Variants in MAPK4 observed in about 807,000 individuals in gnomAD.
MAPK4 encodes mitogen-activated protein kinase 4, also known as Erk3-related.
MAPK4 carries 22 observed loss-of-function variants against 47.7 expected under a neutral mutation model. That is an observed-to-expected ratio of 0.46 (90% confidence interval 0.33 to 0.66). The LOEUF is 0.66. Among genes scored for constraint, MAPK4 ranks in the 30% least tolerant of loss-of-function variants. The pLI, the probability that MAPK4 is intolerant of heterozygous loss-of-function variation, is 0.02. For synonymous variants in MAPK4, 390 were observed against 365.7 expected (o/e 1.07, Z -0.76); for missense variants, 736 against 831.7 (o/e 0.88, Z 1.42).
At chr18:50,651,979 G>A (rs1339327578) in intron 1 of MAPK4, among the ~76,000 whole-genome samples, 4 of 152,200 alleles carry the variant, frequency 2.6e-5, no homozygotes, top group Non-Finnish European at 4.4e-5. Context: ...CACTTAATTC[G>A]CGATGGGTGC....
At chr18:50,581,913 C>G (rs1016849077) in intron 1 of MAPK4, among the ~76,000 whole-genome samples, 3 of 152,120 alleles carry the variant, frequency 2.0e-5, no homozygotes, top group African/African-American at 7.2e-5. Context: ...TTATCATTGT[C>G]CTTTTGAAAG....
chr18:50,664,526 G>C lies in MAPK4; in HGVS notation c.546+22G>C, dbSNP rs752402718. On this transcript the variant is annotated intron_variant, in intron 2 of 5. Coordinates refer to ENST00000400384, the MANE Select transcript of MAPK4 (RefSeq NM_002747.4). This position sits in a 1 kb window ranked among gnomAD's most constrained non-coding sequence, Gnocchi z 6.0. Reference sequence around the variant, plus strand: ...CAAGGTATGTCTGGCTGGAATGGCGGATACTGGTGGTCCACAGAATCCCCA... The same window carrying C: ...CAAGGTATGTCTGGCTGGAATGGCGCATACTGGTGGTCCACAGAATCCCCA... The C allele has an allele frequency of 6.4e-7, 1 of 1,556,968 alleles. No individual in the cohort carries two copies. Among genetic ancestry groups the C allele is most frequent in the East Asian group, 2.3e-5 (1 of 44,230 alleles).
chr18:50,667,079 C>T (rs757317666), intron 2 of MAPK4, among the ~76,000 whole-genome samples: 20 of 152,180 alleles, frequency 1.3e-4, no homozygotes, highest in Non-Finnish European at 2.5e-4. Flanking sequence ...GAAGTCTTTC[C>T]GGATTCTGGG....
At chr18:50,633,436 C>T (rs2042850972) in intron 1 of MAPK4, among the ~76,000 whole-genome samples, 1 of 152,154 alleles carries the variant, frequency 6.6e-6, no homozygotes, top group South Asian at 2.1e-4. Flanking sequence ...TGTAGCAGTG[C>T]GCATTCATCC....
rs1158274239 is a variant in MAPK4 at position 50,730,974 on chromosome 18, T to C, written c.*1120T>C. ...GACCCAACATCCTTCATCAATACTT[T>C]CCTGAGTTTGATCATCCATTTAGCC... On this transcript the variant is annotated 3_prime_UTR_variant, in exon 6 of 6. Transcript: ENST00000400384. The C allele has an allele frequency of 6.6e-6, 1 of 152,216 alleles. No individual in the cohort carries two copies. The highest frequency in any genetic ancestry group is 6.5e-5 in the Admixed American group (1 of 15,280). 9.4% of individuals were successfully genotyped at this position (152,216 alleles called of 1,614,324 possible). A position where few individuals can be genotyped will look rare whatever the true frequency, so the allele number is the denominator to read the frequency against.
chr18:50,596,862 C>A (rs1160624), intron 1 of MAPK4, among the ~76,000 whole-genome samples: 151,825 of 152,360 alleles, frequency 1, 75,649 homozygotes, highest in East Asian at 1. Flanking sequence ...TAATGGAAGT[C>A]GAAAGTTGAA....
At chr18:50,724,238 G>C (rs143125047) in intron 4 of MAPK4, among the ~76,000 whole-genome samples, 1 of 152,038 alleles carries the variant, frequency 6.6e-6, no homozygotes, top group Admixed American at 6.5e-5. Context: ...ACTACTACTC[G>C]TCTTGCTAGA....
intron 1 of MAPK4, among the ~76,000 whole-genome samples, chr18:50,624,785 G>A (rs1229847411): frequency 2.0e-5 from 3 of 151,876 alleles, no homozygotes; most frequent in Non-Finnish European, 2.9e-5. Context: ...CTCTTCTAAG[G>A]TACACAGCTG....
chr18:50,651,098 A>G (rs1255237339), intron 1 of MAPK4, among the ~76,000 whole-genome samples: 1 of 152,180 alleles, frequency 6.6e-6, no homozygotes, highest in Non-Finnish European at 1.5e-5. Context: ...CTGGATGGTC[A>G]CCTTTTTCAG....
intron 1 of MAPK4, among the ~76,000 whole-genome samples, chr18:50,570,582 T>A (rs1346534164): frequency 6.6e-6 from 1 of 151,284 alleles, no homozygotes; most frequent in South Asian, 2.1e-4. Flanking sequence ...TTCTCTTCCA[T>A]GGCCCAGACA....
At position 50,663,220 on chromosome 18, in the gene MAPK4, ATCCTG is replaced by A. The variant is rs1172413849; in HGVS notation, c.-738_-734del. 1 of 152,250 alleles carries A rather than the reference ATCCTG, an allele frequency of 6.6e-6. No individual in the cohort carries two copies. Among genetic ancestry groups the A allele is most frequent in the Non-Finnish European group, 1.5e-5 (1 of 68,102 alleles). 9.4% of individuals were successfully genotyped at this position (152,250 alleles called of 1,614,324 possible). A position where few individuals can be genotyped will look rare whatever the true frequency, so the allele number is the denominator to read the frequency against. On this transcript the variant is annotated 5_prime_UTR_variant, in exon 2 of 6. An upstream open reading frame in the 5' UTR loses its in-frame stop. Coordinates refer to ENST00000400384, the MANE Select transcript of MAPK4 (RefSeq NM_002747.4). ...TGCCCACATCCAAAGGCTCCAGAGG[ATCCTG>A]GCCTGGCAGCTGAGCTCCCCTGCAT... is the stretch of plus-strand genomic sequence containing the variant.
intron 1 of MAPK4, among the ~76,000 whole-genome samples, chr18:50,639,747 C>T (rs569379831): frequency 7.9e-5 from 12 of 152,234 alleles, no homozygotes; most frequent in East Asian, 5.8e-4. Flanking sequence ...CATCAGGTGA[C>T]GTATCATAAT....
intron 4 of MAPK4, among the ~76,000 whole-genome samples, chr18:50,722,990 T>C (rs183578402): frequency 1.1e-3 from 160 of 152,192 alleles, no homozygotes; most frequent in African/African-American, 3.7e-3. Context: ...CTTAAAAACA[T>C]CCGGGGAGGG....
chr18:50,728,706 G>A (rs965374710), intron 5 of MAPK4, among the ~76,000 whole-genome samples: 1 of 152,186 alleles, frequency 6.6e-6, no homozygotes, highest in Non-Finnish European at 1.5e-5. Context: ...GAGCAGCTGG[G>A]AGCTTGTTAG....
intron 1 of MAPK4, among the ~76,000 whole-genome samples, chr18:50,658,495 G>A (rs1209028305): frequency 6.6e-6 from 1 of 152,246 alleles, no homozygotes; most frequent in East Asian, 1.9e-4. Flanking sequence ...TCACAGGGGT[G>A]TTGTAAGACC....
intron 2 of MAPK4, among the ~76,000 whole-genome samples, chr18:50,684,812 C>A (rs1319673245): frequency 6.6e-6 from 1 of 152,052 alleles, no homozygotes; most frequent in Non-Finnish European, 1.5e-5. Flanking sequence ...TGGGAAGGCA[C>A]TGGGATGAAT....
chr18:50,652,062 C>T (rs16952323), intron 1 of MAPK4, among the ~76,000 whole-genome samples: 3,368 of 152,222 alleles, frequency 0.022, 113 homozygotes, highest in African/African-American at 0.076. Flanking sequence ...ATTGCCAGCC[C>T]GATTGTTCTT....
chr18:50,649,840 A>G (rs573145008), intron 1 of MAPK4, among the ~76,000 whole-genome samples: 12 of 152,240 alleles, frequency 7.9e-5, no homozygotes, highest in Non-Finnish European at 1.3e-4. Context: ...GCAAGAAGAC[A>G]GAGCCTGGTT....
At chr18:50,604,440 A>G (rs776045609) in intron 1 of MAPK4, among the ~76,000 whole-genome samples, 1 of 152,168 alleles carries the variant, frequency 6.6e-6, no homozygotes, top group African/African-American at 2.4e-5. Flanking sequence ...ATCACTTTCC[A>G]TGGTTAGTAA....
Sources: gnomAD v4.1 joint callset for allele counts (sites outside exome capture counted in the v4.1 genomes callset) on GRCh38, gnomAD v4.1.1 for gene constraint, Gnocchi (gnomAD v3.1) non-coding constraint, MANE v1.5 for transcripts, NCBI Gene and HGNC (gene_info 2026-07-23, HGNC 2026-07-21) for gene names.